The following DSCAM variants were observed in gnomAD, a reference collection of about 807,000 sequenced individuals.
DSCAM encodes the protein DS cell adhesion molecule, also known as cell adhesion molecule DSCAM.
In DSCAM, 47 loss-of-function variants were observed where a neutral mutation model predicts 217.7. The ratio of observed to expected loss-of-function variants is 0.22; its 90% CI spans 0.17 to 0.28. The LOEUF (loss-of-function observed/expected upper bound fraction) is 0.28, where lower values mean the gene tolerates loss of function less well. Ranked by LOEUF, DSCAM falls within the 10% of genes least tolerant of loss-of-function variation. The pLI is 1.00. For missense variants in DSCAM, 2,080 were observed against 2,618.3 expected (o/e 0.79, Z 4.49); for synonymous variants, 1,056 against 1,015.3 (o/e 1.04, Z -0.76).
Position 40,578,387 on chromosome 21 carries a change from G to A in DSCAM, c.508+114423C>T, listed in dbSNP as rs186269922. ...ATCAGCGCTCTGTGTCTAGCTAAAG[G>A]ATTGTAAATGCACCAGTCAGCACTC... On this transcript the variant is annotated intron_variant, in intron 3 of 32. Transcript: ENST00000400454. 2.8e-3 allele frequency among the ~76,000 whole-genome samples: 426 copies of A among 152,172 alleles called. 2 individuals are homozygous for A. Among genetic ancestry groups the A allele is most frequent in the Non-Finnish European group, 4.4e-3 (298 of 68,006 alleles).
At chr21:40,662,254 GCTAT>G (rs77036268) in intron 3 of DSCAM, among the ~76,000 whole-genome samples, 52,233 of 151,726 alleles carry the variant, frequency 0.34, 10,349 homozygotes, top group Non-Finnish European at 0.45. Flanking sequence ...TCTAATCCTG[GCTAT>G]CTTTTACCTT....
chr21:40,836,543 G>A (rs919867758), intron 1 of DSCAM, among the ~76,000 whole-genome samples: 7 of 152,100 alleles, frequency 4.6e-5, no homozygotes, highest in African/African-American at 1.4e-4. Flanking sequence ...ACCTAACCCT[G>A]TATACAGACA....
chr21:40,807,871 A>G (rs547857729), intron 1 of DSCAM, among the ~76,000 whole-genome samples: 1 of 152,136 alleles, frequency 6.6e-6, no homozygotes, highest in East Asian at 1.9e-4. Context: ...TGCTATTGTG[A>G]GGTATATTAT....
At chr21:40,746,145 A>C (rs1036634785) in intron 1 of DSCAM, among the ~76,000 whole-genome samples, 4 of 151,976 alleles carry the variant, frequency 2.6e-5, no homozygotes, top group African/African-American at 9.7e-5. Context: ...CAAGGTAGAA[A>C]GGATCTATAA....
At chr21:40,057,871 G>GTTTTT (rs1568917869) in intron 28 of DSCAM, among the ~76,000 whole-genome samples, 1 of 102,144 alleles carries the variant, frequency 9.8e-6, no homozygotes, top group African/African-American at 4.2e-5. Context: ...GTTCACTGCA[G>GTTTTT]TCTTTTTTTT....
rs1332304191 is a variant in DSCAM, at chr21:40,016,532, G to A, written c.5687-3146C>T. Reference sequence around the variant, plus strand: ...CTCGTTTTCTGAGTCTAAAGTAACTGAACATTCTTGTTTCTTTTGCTTCAA... The same window carrying A: ...CTCGTTTTCTGAGTCTAAAGTAACTAAACATTCTTGTTTCTTTTGCTTCAA... On this transcript the variant is annotated intron_variant, in intron 32 of 32. Transcript: ENST00000400454. The surrounding 1 kb of genome is among the most constrained non-coding windows in gnomAD (Gnocchi z 4.3). Among the ~76,000 whole-genome samples the A allele has an allele frequency of 6.6e-6, 1 of 152,168 alleles. No individual in the cohort carries two copies. Among genetic ancestry groups the A allele is most frequent in the Non-Finnish European group, 1.5e-5 (1 of 68,022 alleles).
chr21:40,622,592 T>G (rs1266512389), intron 3 of DSCAM, among the ~76,000 whole-genome samples: 4 of 152,258 alleles, frequency 2.6e-5, no homozygotes, highest in African/African-American at 9.6e-5. Context: ...CTGAATGAGG[T>G]AAATAAAATC....
rs570320368 is a variant in DSCAM at position 40,388,479 on chromosome 21, C to T, written c.509-19234G>A. Among the ~76,000 whole-genome samples the T allele has an allele frequency of 6.6e-5, 10 of 152,228 alleles. No homozygotes were observed. The East Asian group carries it at 1.9e-3, about 29-fold the overall frequency. On this transcript the variant is annotated intron_variant, in intron 3 of 32. Coordinates refer to ENST00000400454, the MANE Select transcript of DSCAM (RefSeq NM_001389.5). Reference sequence around the variant, plus strand: ...AAAGCAATCTCTTTAGTGCTTTTGACACTTTTCCACAAATTCCATTTCACC... The same window carrying T: ...AAAGCAATCTCTTTAGTGCTTTTGATACTTTTCCACAAATTCCATTTCACC...
At position 40,731,733 on chromosome 21, in the gene DSCAM, C is replaced by CT. The variant is rs977032042; in HGVS notation, c.44-22963_44-22962insA. Among the ~76,000 whole-genome samples, 4 of 122,350 alleles carry CT rather than the reference C, an allele frequency of 3.3e-5. No individual in the cohort carries two copies. In the South Asian group the frequency reaches 1.6e-3, roughly 48 times the overall value. 80.3% of individuals were successfully genotyped at this position (122,350 alleles called of 152,430 possible). A position where few individuals can be genotyped will look rare whatever the true frequency, so the allele number is the denominator to read the frequency against. ...AATTACCTCCTTCCCACTGCACCCC[C>CT]CCCCCCGCCCCCCGGGTGAGAGTCT... On this transcript the variant is annotated intron_variant, in intron 1 of 32. Transcript: ENST00000400454.
intron 1 of DSCAM, among the ~76,000 whole-genome samples, chr21:40,723,562 T>C (rs2090924853): frequency 1.3e-5 from 2 of 152,188 alleles, no homozygotes; most frequent in South Asian, 4.1e-4. Flanking sequence ...GCAATCTTAT[T>C]CTTAGAGGCA....
At chr21:40,776,227 T>G (rs1383470544) in intron 1 of DSCAM, among the ~76,000 whole-genome samples, 2 of 152,164 alleles carry the variant, frequency 1.3e-5, no homozygotes, top group South Asian at 2.1e-4. Flanking sequence ...TTATATTATT[T>G]CTTCCAGAAT....
At chr21:40,091,786 G>T (rs753119462) in intron 21 of DSCAM, among the ~76,000 whole-genome samples, 2 of 152,150 alleles carry the variant, frequency 1.3e-5, no homozygotes, top group African/African-American at 2.4e-5. Flanking sequence ...AGGCAAGAGA[G>T]CATGTGTGGT....
At chr21:40,736,203 C>T (rs1048986815) in intron 1 of DSCAM, among the ~76,000 whole-genome samples, 3 of 152,144 alleles carry the variant, frequency 2.0e-5, no homozygotes, top group Non-Finnish European at 2.9e-5. Context: ...CCTACTCCCT[C>T]CCTGGACGCA....
chr21:40,078,549 T>C (rs1019752399), intron 26 of DSCAM, 138 bp downstream of exon 26: 19 of 1,118,746 alleles, frequency 1.7e-5, no homozygotes, highest in Non-Finnish European at 2.2e-5. Flanking sequence ...ACAGAGTCCA[T>C]TGAATCCCGA....
rs1186828355 is a variant in DSCAM at position 40,682,677 on chromosome 21, G to A, written c.508+10133C>T. 1.5e-3 allele frequency among the ~76,000 whole-genome samples: 22 copies of A among 14,434 alleles called. 1 individual carries two copies. Among genetic ancestry groups the A allele is most frequent in the South Asian group, 5.7e-3 (1 of 174 alleles). 9.5% of individuals were successfully genotyped at this position (14,434 alleles called of 152,430 possible). A position where few individuals can be genotyped will look rare whatever the true frequency, so the allele number is the denominator to read the frequency against. On this transcript the variant is annotated intron_variant, in intron 3 of 32. Transcript: ENST00000400454. ...GGGAAGGGAGCGGAGGGGGAGGGGA[G>A]GGGAGGGGAAGGGAGCGGAGGGGAA... is the stretch of plus-strand genomic sequence containing the variant.
chr21:40,540,334 A>G (rs2076533553), intron 3 of DSCAM, among the ~76,000 whole-genome samples: 1 of 152,226 alleles, frequency 6.6e-6, no homozygotes, highest in African/African-American at 2.4e-5. Flanking sequence ...TTTCCCAGAT[A>G]GAACCAATTC....
At chr21:40,042,340 C>T (rs532903018) in intron 32 of DSCAM, 31 bp downstream of exon 32, 16 of 1,601,188 alleles carry the variant, frequency 1.0e-5, no homozygotes, top group Admixed American at 1.7e-5. Context: ...CTTCCCTAAG[C>T]GACGGCCCCC....
intron 32 of DSCAM, among the ~76,000 whole-genome samples, chr21:40,020,347 T>A (rs761062596): frequency 6.6e-6 from 1 of 152,134 alleles, no homozygotes; most frequent in Non-Finnish European, 1.5e-5. Context: ...AAAACTAACT[T>A]CCTTCCTTCC....
At chr21:40,220,705 A>T (rs2091282379) in intron 11 of DSCAM, among the ~76,000 whole-genome samples, 1 of 152,240 alleles carries the variant, frequency 6.6e-6, no homozygotes. Flanking sequence ...ATGAGAGTTC[A>T]CAGCTTAACT....
Sources: allele counts gnomAD v4.1 joint callset (sites outside exome capture counted in the v4.1 genomes callset), GRCh38; gene constraint gnomAD v4.1.1; non-coding constraint Gnocchi (gnomAD v3.1); transcripts MANE v1.5; gene names NCBI Gene and HGNC (gene_info 2026-07-23, HGNC 2026-07-21).